TCF4: variants seen among roughly 807,000 people sequenced by gnomAD.
The protein encoded by TCF4 is SL3-3 enhancer factor 2.
A neutral mutation model predicts 82.1 loss-of-function variants in TCF4; 3 were observed. The observed-to-expected ratio is 0.04, with a 90% CI of 0.02 to 0.09. The LOEUF is 0.09. Among genes scored for constraint, TCF4 ranks in the 10% least tolerant of loss-of-function variants. The pLI is 1.00. For synonymous variants in TCF4, 276 were observed against 309.6 expected, an observed-to-expected ratio of 0.89 and a Z score of 1.14; for missense variants, 518 against 852.7, an observed-to-expected ratio of 0.61 and a Z score of 4.89.
chr18:55,420,084 C>T (rs79589198), intron 5 of TCF4, among the ~76,000 whole-genome samples: 5,081 of 152,164 alleles, frequency 0.033, 162 homozygotes, highest in South Asian at 0.16. Context: ...AATCCCATCA[C>T]TTTAAAAAGA....
chr18:55,629,479 T>C (rs1214494608), intron 2 of TCF4, among the ~76,000 whole-genome samples: 1 of 152,216 alleles, frequency 6.6e-6, no homozygotes, highest in African/African-American at 2.4e-5. Flanking sequence ...TTTGACAGCC[T>C]CTTCCTGAAA....
intron 6 of TCF4, among the ~76,000 whole-genome samples, chr18:55,360,762 T>C (rs2084933751): frequency 8.8e-6 from 1 of 113,838 alleles, no homozygotes; most frequent in Admixed American, 1.3e-4. Context: ...GAAGTCTCAC[T>C]CTGCCACCAG....
intron 2 of TCF4, among the ~76,000 whole-genome samples, chr18:55,611,760 A>G (rs919787648): frequency 6.6e-6 from 1 of 152,080 alleles, no homozygotes; most frequent in Non-Finnish European, 1.5e-5. Context: ...CAATGTAAAA[A>G]TATTTTTATT....
chr18:55,326,631 A>G (rs1260901766), intron 8 of TCF4, among the ~76,000 whole-genome samples: 2 of 152,122 alleles, frequency 1.3e-5, no homozygotes, highest in Non-Finnish European at 2.9e-5. Context: ...ACTCAAATCT[A>G]TGTTCTCATC....
chr18:55,478,419 C>T (rs1603526430), intron 3 of TCF4, among the ~76,000 whole-genome samples: 1 of 152,162 alleles, frequency 6.6e-6, no homozygotes, highest in African/African-American at 2.4e-5. Context: ...CAAAAACTCA[C>T]ACATCAGTCA....
chr18:55,466,835 A>G (rs186076145), intron 3 of TCF4, among the ~76,000 whole-genome samples: 45 of 152,322 alleles, frequency 3.0e-4, no homozygotes, highest in African/African-American at 9.9e-4. Context: ...CGAGCAATCC[A>G]CTAATTAAAA....
intron 5 of TCF4, chr18:55,422,255 G>A (rs577925480): frequency 1.2e-5 from 12 of 984,890 alleles, no homozygotes; most frequent in East Asian, 1.1e-4. Flanking sequence ...ATGAAGAGTC[G>A]CCAAAAAGCA....
intron 3 of TCF4, among the ~76,000 whole-genome samples, chr18:55,554,854 C>G (rs554910835): frequency 6.6e-6 from 1 of 152,224 alleles, no homozygotes; most frequent in South Asian, 2.1e-4. Context: ...AAAAAGGAAA[C>G]TAAATGAAAA....
intron 14 of TCF4, among the ~76,000 whole-genome samples, chr18:55,256,613 T>C (rs1413252280): frequency 2.0e-5 from 3 of 152,034 alleles, no homozygotes; most frequent in Non-Finnish European, 2.9e-5. Context: ...CATCTCAAGA[T>C]AGGAGGGAGA....
At chr18:55,515,930 C>T (rs908674156) in intron 3 of TCF4, among the ~76,000 whole-genome samples, 3 of 151,962 alleles carry the variant, frequency 2.0e-5, no homozygotes, top group Admixed American at 6.6e-5. Flanking sequence ...TTGGTGATTC[C>T]GGAGAAAGAC....
chr18:55,608,189 A>G (rs901297102), intron 2 of TCF4, among the ~76,000 whole-genome samples: 1 of 152,162 alleles, frequency 6.6e-6, no homozygotes, highest in African/African-American at 2.4e-5. Flanking sequence ...CTCCTTGATA[A>G]CATTATAGAA....
At chr18:55,514,443 A>ACC (rs1478922423) in intron 3 of TCF4, among the ~76,000 whole-genome samples, 1 of 104,382 alleles carries the variant, frequency 9.6e-6, no homozygotes, top group Non-Finnish European at 2.2e-5. Context: ...ACACACACAC[A>ACC]CACCCCAATC....
rs959865635 is a variant in TCF4, at chr18:55,516,147, T to C, written c.146-52010A>G. 3.9e-5 allele frequency among the ~76,000 whole-genome samples: 6 copies of C among 152,124 alleles called. No homozygotes were observed. In the South Asian group the frequency reaches 8.3e-4, roughly 21 times the overall value. On this transcript the variant is annotated intron_variant, in intron 3 of 19. Coordinates refer to ENST00000354452, the MANE Select transcript of TCF4 (RefSeq NM_001083962.2). ...TGACTTACGGAGACAGGGCTGTAGATGGAAAAGATGACTGGACGTGAGTTT... is the reference window on the plus strand; with the variant it reads ...TGACTTACGGAGACAGGGCTGTAGACGGAAAAGATGACTGGACGTGAGTTT...
chr18:55,241,903 C>A (rs2051352165), intron 15 of TCF4, among the ~76,000 whole-genome samples: 1 of 152,226 alleles, frequency 6.6e-6, no homozygotes, highest in Non-Finnish European at 1.5e-5. Context: ...TCTAAGAGGT[C>A]CACCTTGTGC....
chr18:55,618,248 T>C (rs1357042994), intron 2 of TCF4, among the ~76,000 whole-genome samples: 1 of 152,206 alleles, frequency 6.6e-6, no homozygotes, highest in East Asian at 1.9e-4. Flanking sequence ...TCATTCTTAG[T>C]GTGATCTATC....
intron 6 of TCF4, among the ~76,000 whole-genome samples, chr18:55,361,180 GAATTGGCCTTCTAA>G (rs2085081403): frequency 1.3e-5 from 2 of 152,122 alleles, no homozygotes; most frequent in Admixed American, 1.3e-4. Context: ...ACTGTGGACA[GAATTGGCCTTCTAA>G]AATCCAGAGC....
chr18:55,318,947 T>C (rs185016705), intron 8 of TCF4, among the ~76,000 whole-genome samples: 1 of 152,328 alleles, frequency 6.6e-6, no homozygotes, highest in East Asian at 1.9e-4. Context: ...TTTCTTCTTT[T>C]GTTTATTCAC....
rs2082078563 is a variant in TCF4 at position 55,350,339 on chromosome 18, C to T, written c.549+20G>A. ...AGAACAAAATAAGCAATATACAAAG[C>T]AGAAACAAGCAGTACTTACTGAAGA... On this transcript the variant is annotated intron_variant, in intron 8 of 19. Transcript: ENST00000354452. The T allele has an allele frequency of 6.2e-7, 1 of 1,612,314 alleles. No homozygotes were observed.
intron 2 of TCF4, among the ~76,000 whole-genome samples, chr18:55,600,007 G>A (rs906842063): frequency 6.6e-6 from 1 of 151,944 alleles, no homozygotes; most frequent in Admixed American, 6.6e-5. Context: ...GTCACTCATT[G>A]TATCTGTGAG....
Sources: allele counts gnomAD v4.1 joint callset (sites outside exome capture counted in the v4.1 genomes callset), GRCh38; gene constraint gnomAD v4.1.1; transcripts MANE v1.5; gene names NCBI Gene and HGNC (gene_info 2026-07-23, HGNC 2026-07-21).